Variants in USP10 observed in about 807,000 individuals in gnomAD.
The protein encoded by USP10 is ubiquitin specific peptidase 10, also known as ubiquitin carboxyl-terminal hydrolase 10.
USP10 carries 22 observed loss-of-function variants against 84.5 expected under a neutral mutation model. The observed-to-expected ratio is 0.26, with a 90% CI of 0.19 to 0.37. The LOEUF (loss-of-function observed/expected upper bound fraction) is 0.37. USP10 is among the 10% of genes least tolerant of loss of function. The pLI, the probability that USP10 is intolerant of heterozygous loss-of-function variation, is 1.00. For synonymous variants in USP10, 454 were observed against 387.6 expected, an observed-to-expected ratio of 1.17 and a Z score of -2.01; for missense variants, 1,019 against 998.9, an observed-to-expected ratio of 1.02 and a Z score of -0.27.
chr16:84,727,944 T>C (rs371206936), intron 1 of USP10, among the ~76,000 whole-genome samples: 48 of 152,346 alleles, frequency 3.2e-4, no homozygotes, highest in African/African-American at 1.1e-3. Flanking sequence ...AATTTTCCCT[T>C]CCAGCACAGG....
At chr16:84,730,576 G>C (rs1418558846) in intron 1 of USP10, among the ~76,000 whole-genome samples, 1 of 152,192 alleles carries the variant, frequency 6.6e-6, no homozygotes, top group Non-Finnish European at 1.5e-5. Context: ...ACTTGAGGGT[G>C]TTTGCCGCTG....
At chr16:84,768,021 A>G (rs1360470007) in intron 10 of USP10, among the ~76,000 whole-genome samples, 172 bp from the exon 11 acceptor site, 1 of 151,984 alleles carries the variant, frequency 6.6e-6, no homozygotes, top group African/African-American at 2.4e-5. Flanking sequence ...TTAACAAAGC[A>G]CATCTTCAGC....
Position 84,764,071 on chromosome 16 carries a change from T to G in USP10, c.1655-15T>G, listed in dbSNP as rs770285845. On this transcript the variant is annotated splice_polypyrimidine_tract_variant and intron_variant, in intron 9 of 13. Coordinates refer to ENST00000219473, the MANE Select transcript of USP10 (RefSeq NM_005153.3). Reference sequence around the variant, plus strand: ...TGTCGTAAATAGTAGTGTAAGCAGATGCTCTCCTTTTCAGAACTTACGATT... The same window carrying G: ...TGTCGTAAATAGTAGTGTAAGCAGAGGCTCTCCTTTTCAGAACTTACGATT... 1 of 1,609,042 alleles carries G rather than the reference T, an allele frequency of 6.2e-7. No homozygotes were observed. The highest frequency in any genetic ancestry group is 1.1e-5 in the South Asian group (1 of 90,788).
intron 1 of USP10, among the ~76,000 whole-genome samples, chr16:84,724,935 G>T (rs998334806): frequency 2.0e-5 from 3 of 152,146 alleles, no homozygotes; most frequent in African/African-American, 4.8e-5. Context: ...ATATCAGCTA[G>T]CACCCATAAC....
chr16:84,742,727 C>T (rs1910770011), intron 3 of USP10, among the ~76,000 whole-genome samples: 1 of 152,174 alleles, frequency 6.6e-6, no homozygotes, highest in Non-Finnish European at 1.5e-5. Flanking sequence ...ACATGGCGTC[C>T]ATTGTGAGTG....
At chr16:84,736,961 T>G (rs1274859421) in intron 2 of USP10, among the ~76,000 whole-genome samples, 2 of 152,128 alleles carry the variant, frequency 1.3e-5, no homozygotes, top group Non-Finnish European at 2.9e-5. Context: ...GCTAATTTTT[T>G]GTGGTTTTAG....
At chr16:84,704,892 G>T in intron 1 of USP10, 2 of 1,535,676 alleles carry the variant, frequency 1.3e-6, no homozygotes, top group East Asian at 4.9e-5. Context: ...GTGGTTTGGG[G>T]CTGTTACAGC....
chr16:84,706,505 T>A (rs1413278730), intron 1 of USP10, among the ~76,000 whole-genome samples: 1 of 147,888 alleles, frequency 6.8e-6, no homozygotes, highest in Non-Finnish European at 1.5e-5. Context: ...TATATGTATT[T>A]ATATTTATTT....
At position 84,745,394 on chromosome 16, in the gene USP10, C is replaced by T; in HGVS notation, c.913C>T (p.His305Tyr). The T allele has an allele frequency of 2.5e-6, 4 of 1,613,576 alleles. No homozygotes were observed. The highest frequency in any genetic ancestry group is 2.2e-5 in the East Asian group (1 of 44,888). ...EGTATNGVEL[H>Y]TTESIDLDPT... ...CACAGCTACCAACGGGGTGGAGTTG[C>T]ACACCACGGAAAGCATAGACTTGGA... Residue 305 changes from histidine (H) to tyrosine (Y), a missense_variant, in exon 4 of 14, where the codon CAC becomes TAC. Physicochemically the swap from His to Tyr is moderately conservative, Grantham distance 83. Around this residue, in one of 2 missense-constraint regions of USP10, gnomAD observed 787 missense variants for 708.8 expected, o/e 1.11. Coordinates refer to ENST00000219473, the MANE Select transcript of USP10 (RefSeq NM_005153.3).
At chr16:84,723,293 G>A (rs942752555) in intron 1 of USP10, among the ~76,000 whole-genome samples, 1 of 152,054 alleles carries the variant, frequency 6.6e-6, no homozygotes, top group South Asian at 2.1e-4. Context: ...GTTCTGTGAA[G>A]CTTAATTCAC....
At chr16:84,703,858 G>C (rs1290936967) in intron 1 of USP10, among the ~76,000 whole-genome samples, 1 of 152,200 alleles carries the variant, frequency 6.6e-6, no homozygotes, top group Non-Finnish European at 1.5e-5. Context: ...CTCATTGAGA[G>C]CACAGCGCAC....
intron 1 of USP10, among the ~76,000 whole-genome samples, chr16:84,718,366 A>C (rs1321592953): frequency 2.0e-5 from 3 of 152,138 alleles, no homozygotes; most frequent in African/African-American, 7.2e-5. Context: ...GGATCCTCCC[A>C]CCTCAGCCTC....
At chr16:84,768,428 G>C in intron 11 of USP10, 70 bp downstream of exon 11, 1 of 1,388,436 alleles carries the variant, frequency 7.2e-7, no homozygotes, top group South Asian at 1.8e-5. Context: ...CACAAAATTA[G>C]GAATGAGGGG....
At chr16:84,764,307 G>A (rs1913571334) in intron 10 of USP10, 44 bp downstream of exon 10, 1 of 1,612,730 alleles carries the variant, frequency 6.2e-7, no homozygotes, top group Non-Finnish European at 8.5e-7. Flanking sequence ...CTTTTCTAGG[G>A]TTTTGCCATG....
Position 84,745,497 on chromosome 16 carries a change from C to G in USP10, c.1016C>G (p.Pro339Arg). The G allele has an allele frequency of 2.5e-6, 4 of 1,613,562 alleles. No individual in the cohort carries two copies. Among genetic ancestry groups the G allele is most frequent in the Non-Finnish European group, 3.4e-6 (4 of 1,179,648 alleles). Residue 339 changes from proline to arginine, a missense_variant, in exon 4 of 14, where the codon CCC becomes CGC. Physicochemically the swap from Pro to Arg is moderately radical, Grantham distance 103. Around this residue, in one of 2 missense-constraint regions of USP10, gnomAD observed 787 missense variants for 708.8 expected, o/e 1.11. Coordinates refer to ENST00000219473, the MANE Select transcript of USP10 (RefSeq NM_005153.3). ...SASGTLPVSQPKSWASLFHDS... is the reference protein window; with the variant it reads ...SASGTLPVSQRKSWASLFHDS... ...TCAGGCACCCTTCCTGTCAGCCAGC[C>G]CAAGTCCTGGGCCAGCCTCTTTCAT...
At chr16:84,771,118 G>A (rs1597401234) in intron 11 of USP10, among the ~76,000 whole-genome samples, 1 of 151,832 alleles carries the variant, frequency 6.6e-6, no homozygotes, top group Admixed American at 6.5e-5. Flanking sequence ...TGTAAGTACA[G>A]AGAATGATAA....
At position 84,745,032 on chromosome 16, in the gene USP10, C is replaced by T. The variant is rs1448957460; in HGVS notation, c.551C>T (p.Ala184Val). Residue 184 changes from alanine to valine, a missense_variant, in exon 4 of 14, where the codon GCA (alanine) becomes GTA (valine). Transcript: ENST00000219473. ...EALVNGHANS[A>V]VPNSVSAEDA... ...CTGGTCAATGGCCATGCCAATTCAG[C>T]AGTCCCGAACAGTGTCAGTGCAGAG... is the stretch of plus-strand genomic sequence containing the variant. 1.2e-6 allele frequency: 2 copies of T among 1,613,726 alleles called. No homozygotes were observed. Among genetic ancestry groups the T allele is most frequent in the African/African-American group, 2.7e-5 (2 of 74,932 alleles).
intron 10 of USP10, 44 bp from the exon 11 acceptor site, chr16:84,768,149 A>G: frequency 6.5e-7 from 1 of 1,531,660 alleles, no homozygotes; most frequent in Non-Finnish European, 8.8e-7. Flanking sequence ...GAAAGTGGCA[A>G]GGAGTGGTCT....
intron 2 of USP10, 28 bp from the exon 3 acceptor site, chr16:84,740,280 TA>T: frequency 6.3e-7 from 1 of 1,597,964 alleles, no homozygotes; most frequent in African/African-American, 1.3e-5. Context: ...TTTGTTGAAT[TA>T]AAATTTGTTT....
Sources: gnomAD v4.1 joint callset for allele counts (sites outside exome capture counted in the v4.1 genomes callset) on GRCh38, gnomAD v4.1.1 for gene constraint, gnomAD v4.1.1 regional missense constraint, MANE v1.5 for transcripts, NCBI Gene and HGNC (gene_info 2026-07-23, HGNC 2026-07-21) for gene names.